The following MGA variants were observed in gnomAD, a reference collection of about 807,000 sequenced individuals.
The protein encoded by MGA is MAX dimerization protein MGA.
In MGA, 40 loss-of-function variants were observed where a neutral mutation model predicts 261.1. The observed-to-expected ratio is 0.15, with a 90% CI of 0.12 to 0.20. The LOEUF (loss-of-function observed/expected upper bound fraction) is 0.20. Among genes scored for constraint, MGA ranks in the 10% least tolerant of loss-of-function variants. The pLI is 1.00. For synonymous variants in MGA, 1,302 were observed against 1,290.6 expected, an observed-to-expected ratio of 1.01 and a Z score of -0.19; for missense variants, 3,397 against 3,630.5, an observed-to-expected ratio of 0.94 and a Z score of 1.65.
At chr15:41,734,725 A>G in intron 12 of MGA, 131 bp downstream of exon 12, 1 of 672,600 alleles carries the variant, frequency 1.5e-6, no homozygotes. Flanking sequence ...TATGCCAAAA[A>G]CAGGGACAAT....
intron 1 of MGA, among the ~76,000 whole-genome samples, chr15:41,622,545 C>A (rs2056330883): frequency 6.6e-6 from 1 of 152,054 alleles, no homozygotes; most frequent in South Asian, 2.1e-4. Flanking sequence ...CGACCTCATT[C>A]GAAAAATATT....
intron 5 of MGA, among the ~76,000 whole-genome samples, chr15:41,701,790 A>G (rs2059868035): frequency 6.6e-6 from 1 of 152,204 alleles, no homozygotes; most frequent in Admixed American, 6.5e-5. Context: ...TGTCTGAGCT[A>G]TTACTTTTCA....
intron 2 of MGA, among the ~76,000 whole-genome samples, chr15:41,693,435 T>C (rs1309254072): frequency 1.3e-5 from 2 of 151,852 alleles, no homozygotes; most frequent in African/African-American, 4.8e-5. Context: ...TGTGATAGTT[T>C]ACTGAGAATG....
chr15:41,760,037 C>G (rs1001376836), intron 19 of MGA: 13 of 320,844 alleles, frequency 4.1e-5, no homozygotes, highest in African/African-American at 2.5e-4. Flanking sequence ...TTTCAGATCT[C>G]GTACGCCTGT....
chr15:41,642,569 C>T (rs569851220), intron 1 of MGA, among the ~76,000 whole-genome samples: 2 of 152,080 alleles, frequency 1.3e-5, no homozygotes, highest in South Asian at 2.1e-4. Context: ...CTGCAACCTC[C>T]GCCTCCCAGG....
Position 41,669,567 on chromosome 15 carries a change from A to T in MGA, c.673A>T (p.Thr225Ser). The T allele has an allele frequency of 1.2e-6, 2 of 1,614,010 alleles. No individual in the cohort carries two copies. Among genetic ancestry groups the T allele is most frequent in the Non-Finnish European group, 1.7e-6 (2 of 1,179,894 alleles). Residue 225 changes from threonine to serine, a missense_variant, in exon 2 of 24, where the codon ACT becomes TCT. Thr to Ser is a moderately conservative substitution (Grantham distance 58). Coordinates refer to ENST00000219905, the MANE Select transcript of MGA (RefSeq NM_001164273.2). Reference sequence around the variant, plus strand: ...ACAATTAAATGGCCCTGGTGTCCACACTTTTACCTTCCCACAGACTGAATT... The same window carrying T: ...ACAATTAAATGGCCCTGGTGTCCACTCTTTTACCTTCCCACAGACTGAATT...
At chr15:41,745,610 A>G (rs1047287324) in intron 15 of MGA, among the ~76,000 whole-genome samples, 2 of 151,990 alleles carry the variant, frequency 1.3e-5, no homozygotes, top group African/African-American at 4.8e-5. Context: ...ATATATCTAT[A>G]TATAGAGAGA....
intron 1 of MGA, among the ~76,000 whole-genome samples, chr15:41,662,202 A>T (rs140447311): frequency 2.4e-3 from 371 of 152,194 alleles, no homozygotes; most frequent in Middle Eastern, 0.024. Context: ...GACTTGAGGA[A>T]ATTCAGTGCC....
chr15:41,669,716 G>T lies in MGA; in HGVS notation c.822G>T (p.Lys274Asn), dbSNP rs374032826. 1 of 1,613,446 alleles carries T rather than the reference G, an allele frequency of 6.2e-7. No homozygotes were observed. Among genetic ancestry groups the T allele is most frequent in the Non-Finnish European group, 8.5e-7 (1 of 1,179,594 alleles). The change falls in exon 2 of 24, where the codon AAG (lysine) becomes AAT (asparagine). Residue 274 changes from lysine (K) to asparagine (N), a missense_variant. By Grantham distance (94) the Lys-to-Asn change is moderately conservative. Coordinates refer to ENST00000219905, the MANE Select transcript of MGA (RefSeq NM_001164273.2). Reference sequence around the variant, plus strand: ...AGCCCCAGAGAGATGGAAAACAAAAGAACAGCTCTGACCAAGAAGGGAATA... The same window carrying T: ...AGCCCCAGAGAGATGGAAAACAAAATAACAGCTCTGACCAAGAAGGGAATA...
chr15:41,648,495 C>G (rs1448464715), intron 1 of MGA, among the ~76,000 whole-genome samples: 1 of 152,044 alleles, frequency 6.6e-6, no homozygotes, highest in African/African-American at 2.4e-5. Context: ...GGGAATAGAA[C>G]AGGGTACTTT....
chr15:41,657,198 A>G (rs938298143), upstream of MGA, among the ~76,000 whole-genome samples: 1 of 152,100 alleles, frequency 6.6e-6, no homozygotes, highest in African/African-American at 2.4e-5. Context: ...CATTACAGAT[A>G]TTGGTGGCAA....
chr15:41,647,832 C>T (rs2056964972), intron 1 of MGA, among the ~76,000 whole-genome samples: 1 of 152,092 alleles, frequency 6.6e-6, no homozygotes, highest in South Asian at 2.1e-4. Flanking sequence ...TACATACTCC[C>T]CTAATAATCT....
intron 18 of MGA, among the ~76,000 whole-genome samples, chr15:41,755,610 G>C (rs532561172): frequency 1.3e-5 from 2 of 152,302 alleles, no homozygotes; most frequent in South Asian, 4.1e-4. Flanking sequence ...ATTGAAAGAC[G>C]AAGAGGAATT....
At chr15:41,700,094 G>A (rs1214970721) in intron 5 of MGA, among the ~76,000 whole-genome samples, 1 of 143,854 alleles carries the variant, frequency 7.0e-6, no homozygotes, top group Non-Finnish European at 1.5e-5. Flanking sequence ...GCCCAGGCTG[G>A]AGTGCAGTGG....
chr15:41,694,023 A>G (rs527856180), intron 2 of MGA, among the ~76,000 whole-genome samples: 2 of 152,062 alleles, frequency 1.3e-5, no homozygotes, highest in Non-Finnish European at 2.9e-5. Context: ...TCTGGGGGGA[A>G]AAAACTGTTT....
chr15:41,626,949 C>G (rs753613273), intron 1 of MGA, among the ~76,000 whole-genome samples: 104 of 152,182 alleles, frequency 6.8e-4, no homozygotes, highest in Non-Finnish European at 1.4e-3. Flanking sequence ...ACTGCAGCCT[C>G]TGCCTCCTGG....
At position 41,742,622 on chromosome 15, in the gene MGA, T is replaced by C. The variant is rs2062182343; in HGVS notation, c.4662T>C (p.Pro1554=). The change falls in exon 15 of 24, where the codon CCT becomes CCC. Residue 1554 remains proline (P), a synonymous_variant. Transcript: ENST00000219905. Reference sequence around the variant, plus strand: ...TTGGAGCCTTGCAGCAGAAGATACCTGGAGTTAGCACACCCCAAACCCTGG... The same window carrying C: ...TTGGAGCCTTGCAGCAGAAGATACCCGGAGTTAGCACACCCCAAACCCTGG... The C allele has an allele frequency of 3.7e-6, 6 of 1,613,786 alleles. No homozygotes were observed. Among genetic ancestry groups the C allele is most frequent in the Middle Eastern group, 1.6e-4 (1 of 6,082 alleles).
In MGA at chr15:41,742,642, C is replaced by A; in HGVS notation, c.4682C>A (p.Thr1561Asn). ...ATACCTGGAGTTAGCACACCCCAAA[C>A]CCTGGCAGGGACACAGAAGTTCAGT... is the stretch of plus-strand genomic sequence containing the variant. The change falls in exon 15 of 24, where the codon ACC becomes AAC. Residue 1561 changes from threonine to asparagine, a missense_variant. By Grantham distance (65) the Thr-to-Asn change is moderately conservative. Coordinates refer to ENST00000219905, the MANE Select transcript of MGA (RefSeq NM_001164273.2). 6.2e-7 allele frequency: 1 copy of A among 1,613,912 alleles called. No individual in the cohort carries two copies. The highest frequency in any genetic ancestry group is 8.5e-7 in the Non-Finnish European group (1 of 1,179,868).
chr15:41,644,142 A>G (rs1051999215), intron 1 of MGA, among the ~76,000 whole-genome samples: 2 of 152,004 alleles, frequency 1.3e-5, no homozygotes, highest in Non-Finnish European at 2.9e-5. Flanking sequence ...GTACATCTTC[A>G]TATTTTACAT....
Sources: gnomAD v4.1 joint callset for allele counts (sites outside exome capture counted in the v4.1 genomes callset) on GRCh38, gnomAD v4.1.1 for gene constraint, MANE v1.5 for transcripts, NCBI Gene and HGNC (gene_info 2026-07-23, HGNC 2026-07-21) for gene names.